PAX3: variants seen among roughly 807,000 people sequenced by gnomAD.
PAX3 encodes the protein paired box 3.
PAX3 carries 14 observed loss-of-function variants against 51.6 expected under a neutral mutation model. The ratio of observed to expected loss-of-function variants is 0.27; its 90% CI spans 0.18 to 0.42. The LOEUF (loss-of-function observed/expected upper bound fraction) is 0.42. Among genes scored for constraint, PAX3 ranks in the 10% least tolerant of loss-of-function variants. The probability of loss-of-function intolerance (pLI) is 1.00; values close to 1 mark genes in which losing one functional copy is unlikely to be tolerated. For synonymous variants in PAX3, 280 were observed against 253.4 expected (o/e 1.11, Z -1.00); for missense variants, 540 against 642.8 (o/e 0.84, Z 1.73).
chr2:222,284,386 G>A (rs1694752351), intron 4 of PAX3, among the ~76,000 whole-genome samples: 1 of 152,216 alleles, frequency 6.6e-6, no homozygotes, highest in Non-Finnish European at 1.5e-5. Flanking sequence ...AAAAGTTTGA[G>A]TTGGAGTTTC....
Position 222,201,889 on chromosome 2 carries a change from G to A in PAX3, c.1420+55C>T, listed in dbSNP as rs186207055. ...TCTAATTCACCTTTCTTAAGGAAGA[G>A]TTGAGTTTATCTCCCTTCCAGGAGA... On this transcript the variant is annotated intron_variant, in intron 8 of 8. Coordinates refer to ENST00000392070, the MANE Select transcript of PAX3 (RefSeq NM_181458.4). The A allele has an allele frequency of 5.0e-4, 806 of 1,613,846 alleles. 5 individuals carry two copies. Among genetic ancestry groups the A allele is most frequent in the Middle Eastern group, 3.6e-3 (22 of 6,050 alleles).
At chr2:222,210,687 C>A (rs528310131) in intron 7 of PAX3, among the ~76,000 whole-genome samples, 1 of 152,186 alleles carries the variant, frequency 6.6e-6, no homozygotes, top group South Asian at 2.1e-4. Context: ...TATCCAGCCA[C>A]CTTAGAGTTA....
chr2:222,291,210 T>A (rs2106191165), intron 4 of PAX3, among the ~76,000 whole-genome samples: 1 of 152,216 alleles, frequency 6.6e-6, no homozygotes, highest in African/African-American at 2.4e-5. Flanking sequence ...CAGCCCCGGA[T>A]GCCTCGGCCA....
chr2:222,246,311 C>T (rs1693225657), intron 4 of PAX3, among the ~76,000 whole-genome samples: 1 of 152,238 alleles, frequency 6.6e-6, no homozygotes, highest in South Asian at 2.1e-4. Flanking sequence ...TATGTCAAGA[C>T]AGATGCCAAC....
intron 4 of PAX3, among the ~76,000 whole-genome samples, chr2:222,269,656 TA>T (rs36114578): frequency 0.23 from 32,322 of 142,758 alleles, 3,943 homozygotes; most frequent in Admixed American, 0.38. Flanking sequence ...CACCTTTCCA[TA>T]AAAAAAAAAA....
At chr2:222,245,097 G>C (rs1441370966) in intron 4 of PAX3, among the ~76,000 whole-genome samples, 1 of 152,162 alleles carries the variant, frequency 6.6e-6, no homozygotes, top group East Asian at 1.9e-4. Context: ...GCAGTGAGCT[G>C]AGATCATGCC....
intron 7 of PAX3, among the ~76,000 whole-genome samples, chr2:222,218,806 A>T (rs1692070827): frequency 6.6e-6 from 1 of 150,742 alleles, no homozygotes; most frequent in East Asian, 1.9e-4. Context: ...CCACCTCATA[A>T]TTTTTTTTTT....
At chr2:222,227,544 A>C (rs903212595) in intron 5 of PAX3, among the ~76,000 whole-genome samples, 2 of 152,120 alleles carry the variant, frequency 1.3e-5, no homozygotes, top group Non-Finnish European at 2.9e-5. Flanking sequence ...GTGAGCAGAG[A>C]TCGCACCACT....
At position 222,297,555 on chromosome 2, in the gene PAX3, C is replaced by T. The variant is rs45555633; in HGVS notation, c.86-342G>A. On this transcript the variant is annotated intron_variant, in intron 1 of 8. Coordinates refer to ENST00000392070, the MANE Select transcript of PAX3 (RefSeq NM_181458.4). ...GCTTGCTCTAGAAACAGCCTCCTGGCGAAGAGAAGTTCACCCAGGAGCTGG... is the reference window on the plus strand; with the variant it reads ...GCTTGCTCTAGAAACAGCCTCCTGGTGAAGAGAAGTTCACCCAGGAGCTGG... Among the ~76,000 whole-genome samples, 746 of 152,318 alleles carry T rather than the reference C, an allele frequency of 4.9e-3. 7 individuals are homozygous for T. Among genetic ancestry groups the T allele is most frequent in the African/African-American group, 0.016 (669 of 41,576 alleles).
rs1574619339 is a variant in PAX3, at chr2:222,202,017, A to G, written c.1347T>C (p.Cys449=). Residue 449 remains cysteine (C), a synonymous_variant, in exon 8 of 9, where the codon TGT becomes TGC. Transcript: ENST00000392070. ...AGCCTGTGGTGCTATAGGTGGGTGG[A>G]CAGTAGGACTGAGATGTTGGCAGAC... ...LDSLPTSQSY[C]PPTYSTTGYS... 6.2e-7 allele frequency: 1 copy of G among 1,614,060 alleles called. No homozygotes were observed. Among genetic ancestry groups the G allele is most frequent in the South Asian group, 1.1e-5 (1 of 91,078 alleles).
chr2:222,298,701 T>C lies in PAX3; in HGVS notation c.-86A>G, dbSNP rs1574775982. On this transcript the variant is annotated 5_prime_UTR_variant, in exon 1 of 9. Transcript: ENST00000392070. Reference sequence around the variant, plus strand: ...CGGCGCGGATGACCCTCGGGAACTATCCGGAGCGTGGAGAGCCCCTCCCCA... The same window carrying C: ...CGGCGCGGATGACCCTCGGGAACTACCCGGAGCGTGGAGAGCCCCTCCCCA... The C allele has an allele frequency of 1.5e-6, 2 of 1,336,544 alleles. No individual in the cohort carries two copies. Among genetic ancestry groups the C allele is most frequent in the Non-Finnish European group, 1.0e-6 (1 of 954,368 alleles). The allele number at this position is 1,336,544 out of a possible 1,614,324, so 82.8% of individuals were successfully genotyped here. A position where few individuals can be genotyped will look rare whatever the true frequency, so the allele number is the denominator to read the frequency against.
chr2:222,258,447 C>T (rs533714295), intron 4 of PAX3, among the ~76,000 whole-genome samples: 1 of 152,118 alleles, frequency 6.6e-6, no homozygotes, highest in South Asian at 2.1e-4. Context: ...AATCTGAATA[C>T]ATTATCACAA....
chr2:222,214,281 T>G (rs1463111629), intron 7 of PAX3: 1 of 152,194 alleles, frequency 6.6e-6, no homozygotes, highest in Non-Finnish European at 1.5e-5. Flanking sequence ...GCTGAGCAAT[T>G]GAAATCTAAT....
intron 3 of PAX3, among the ~76,000 whole-genome samples, chr2:222,294,940 A>G (rs1392121563): frequency 1.3e-5 from 2 of 151,722 alleles, no homozygotes; most frequent in African/African-American, 2.4e-5. Context: ...AAACAAATCC[A>G]TGCTCTGAAA....
chr2:222,213,728 T>C (rs957228054), intron 7 of PAX3, among the ~76,000 whole-genome samples: 1 of 152,146 alleles, frequency 6.6e-6, no homozygotes, highest in Non-Finnish European at 1.5e-5. Flanking sequence ...CATTGGGAAA[T>C]AGGTTGGTGT....
intron 7 of PAX3, chr2:222,214,252 G>A (rs1229099402): frequency 6.6e-6 from 1 of 152,128 alleles, no homozygotes; most frequent in Non-Finnish European, 1.5e-5. Flanking sequence ...ATTAACAAAT[G>A]TTTGTCAAAA....
intron 4 of PAX3, among the ~76,000 whole-genome samples, chr2:222,244,734 C>CAAA (rs35127003): frequency 2.2e-4 from 24 of 109,710 alleles, no homozygotes; most frequent in African/African-American, 4.7e-4. Flanking sequence ...TATTGTTCAC[C>CAAA]AAAAAAAAAA....
At chr2:222,202,245 A>G in intron 7 of PAX3, 55 bp from the exon 8 acceptor site, 1 of 1,269,322 alleles carries the variant, frequency 7.9e-7, no homozygotes, top group Non-Finnish European at 1.1e-6. Flanking sequence ...TCCAGATTGC[A>G]GCCTACAGCT....
In PAX3 at chr2:222,201,301, C is replaced by CG. The variant is rs1691282057; in HGVS notation, c.*106_*107insC. On this transcript the variant is annotated 3_prime_UTR_variant, in exon 9 of 9. Transcript: ENST00000392070. ...CTCCTATTGGGACCACTGCCCCACC[C>CG]CCCCCAACAAAAGGGTAATTTTTTT... 6.2e-7 allele frequency: 1 copy of CG among 1,611,272 alleles called. No individual in the cohort carries two copies. The highest frequency in any genetic ancestry group is 1.3e-5 in the African/African-American group (1 of 74,240).
Sources: gnomAD v4.1 joint callset for allele counts (sites outside exome capture counted in the v4.1 genomes callset) on GRCh38, gnomAD v4.1.1 for gene constraint, MANE v1.5 for transcripts, NCBI Gene and HGNC (gene_info 2026-07-23, HGNC 2026-07-21) for gene names.